The following PLCB4 variants were observed in gnomAD, a reference collection of about 807,000 sequenced individuals.
PLCB4 encodes the protein phospholipase C beta 4, also known as 1-phosphatidylinositol 4,5-bisphosphate phosphodiesterase beta-4.
A neutral mutation model predicts 178.8 loss-of-function variants in PLCB4; 77 were observed. The observed-to-expected ratio is 0.43, with a 90% CI of 0.36 to 0.52. The LOEUF is 0.52. Ranked by LOEUF, PLCB4 falls within the 20% of genes least tolerant of loss-of-function variation. The pLI is 0.00. For synonymous variants in PLCB4, 496 were observed against 490.8 expected (o/e 1.01, Z -0.14); for missense variants, 1,024 against 1,453.4 (o/e 0.70, Z 4.80).
chr20:9,340,280 C>A (rs34695180), intron 7 of PLCB4, among the ~76,000 whole-genome samples: 10,126 of 152,154 alleles, frequency 0.067, 358 homozygotes, highest in Middle Eastern at 0.095. Context: ...CTAAACCATC[C>A]AAGCTCCATT....
chr20:9,312,396 A>ACG (rs1555786353), intron 4 of PLCB4, among the ~76,000 whole-genome samples: 3 of 146,516 alleles, frequency 2.0e-5, no homozygotes, highest in Admixed American at 1.4e-4. Context: ...ACACACACAC[A>ACG]CGCACGCACT....
intron 4 of PLCB4, among the ~76,000 whole-genome samples, chr20:9,329,925 C>T (rs146446132): frequency 1.6e-4 from 24 of 152,194 alleles, no homozygotes; most frequent in Non-Finnish European, 2.6e-4. Flanking sequence ...TTAATAAGGA[C>T]CCATGCCCAT....
chr20:9,218,644 G>A (rs2093760838), intron 3 of PLCB4, among the ~76,000 whole-genome samples: 1 of 152,198 alleles, frequency 6.6e-6, no homozygotes, highest in African/African-American at 2.4e-5. Flanking sequence ...GGCAGTGCCC[G>A]TGGCTGATTT....
chr20:9,278,171 G>A (rs1464611430), intron 3 of PLCB4, among the ~76,000 whole-genome samples: 1 of 151,954 alleles, frequency 6.6e-6, no homozygotes, highest in African/African-American at 2.4e-5. Flanking sequence ...ATCAATACTT[G>A]GTGGATAGGG....
chr20:9,365,555 A>G lies in PLCB4; in HGVS notation c.503+41A>G, dbSNP rs17481185. ...TATCTGCTGTCCGTGTCCCGGGTCAACGCTTGTCATCCCAAACCAAAGAGA... is the reference window on the plus strand; with the variant it reads ...TATCTGCTGTCCGTGTCCCGGGTCAGCGCTTGTCATCCCAAACCAAAGAGA... On this transcript the variant is annotated intron_variant, in intron 9 of 39. Coordinates refer to ENST00000378473, the MANE Select transcript of PLCB4 (RefSeq NM_001377142.1). The G allele has an allele frequency of 0.065, 80,874 of 1,242,038 alleles. 3,065 individuals are homozygous for G. Among genetic ancestry groups the G allele is most frequent in the Non-Finnish European group, 0.077 (65,341 of 845,780 alleles). The allele number at this position is 1,242,038 out of a possible 1,614,324, so 76.9% of individuals were successfully genotyped here.
At chr20:9,310,188 C>A (rs1353895677) in intron 4 of PLCB4, among the ~76,000 whole-genome samples, 1 of 152,018 alleles carries the variant, frequency 6.6e-6, no homozygotes, top group Non-Finnish European at 1.5e-5. Flanking sequence ...AACATGTAAG[C>A]AGAAAAGGTT....
intron 3 of PLCB4, among the ~76,000 whole-genome samples, chr20:9,241,354 G>A (rs1409975998): frequency 1.3e-5 from 2 of 151,166 alleles, no homozygotes; most frequent in South Asian, 2.1e-4. Context: ...TTATTCCTCT[G>A]ATGGCAAAAT....
intron 25 of PLCB4, among the ~76,000 whole-genome samples, chr20:9,411,576 T>C (rs1029193067): frequency 2.6e-5 from 4 of 152,234 alleles, no homozygotes; most frequent in Non-Finnish European, 5.9e-5. Context: ...GTAGCAGTTA[T>C]CAAAGAATAA....
At chr20:9,231,540 ATG>A (rs2093932513) in intron 3 of PLCB4, among the ~76,000 whole-genome samples, 1 of 152,138 alleles carries the variant, frequency 6.6e-6, no homozygotes, top group African/African-American at 2.4e-5. Flanking sequence ...TATATAAAAC[ATG>A]ATGTATATAG....
chr20:9,364,566 C>T (rs1354716441), intron 8 of PLCB4, among the ~76,000 whole-genome samples: 1 of 152,232 alleles, frequency 6.6e-6, no homozygotes, highest in South Asian at 2.1e-4. Context: ...GCACAAATCA[C>T]ATGAGTTCAA....
intron 3 of PLCB4, among the ~76,000 whole-genome samples, chr20:9,266,038 A>G (rs1159322885): frequency 5.3e-5 from 8 of 152,226 alleles, no homozygotes; most frequent in Admixed American, 5.2e-4. Flanking sequence ...CCTGTGGTGA[A>G]GAGAAATCAT....
chr20:9,165,767 C>A (rs1022459011), intron 2 of PLCB4, among the ~76,000 whole-genome samples: 1 of 149,096 alleles, frequency 6.7e-6, no homozygotes, highest in Non-Finnish European at 1.5e-5. Flanking sequence ...ACGCTGTCAC[C>A]GATGGATGGG....
At chr20:9,371,607 T>C (rs6039450) in intron 10 of PLCB4, among the ~76,000 whole-genome samples, 29,449 of 152,070 alleles carry the variant, frequency 0.19, 5,220 homozygotes, top group African/African-American at 0.48. Context: ...AAGGCCAGCT[T>C]GCTGTGTTAC....
intron 12 of PLCB4, among the ~76,000 whole-genome samples, chr20:9,377,718 G>C (rs904179216): frequency 6.6e-6 from 1 of 152,200 alleles, no homozygotes; most frequent in Non-Finnish European, 1.5e-5. Flanking sequence ...CCATAGGCAG[G>C]ATGGTCTAAT....
chr20:9,406,432 G>A lies in PLCB4; in HGVS notation c.1647+1084G>A, dbSNP rs73248721. ...TTTCAGGCTTTTATTGGTGAAATCA[G>A]TTTGATAATTTAGAATGCTCAGATT... On this transcript the variant is annotated intron_variant, in intron 21 of 39. Coordinates refer to ENST00000378473, the MANE Select transcript of PLCB4 (RefSeq NM_001377142.1). Among the ~76,000 whole-genome samples the A allele has an allele frequency of 6.1e-3, 927 of 151,594 alleles. 16 individuals are homozygous for A. Among genetic ancestry groups the A allele is most frequent in the African/African-American group, 0.02 (828 of 41,382 alleles).
Position 9,368,654 on chromosome 20 carries a change from G to A in PLCB4, c.504-2560G>A, listed in dbSNP as rs79557466. On this transcript the variant is annotated intron_variant, in intron 9 of 39. Transcript: ENST00000378473. ...GGCAGTTGCCCCATCCTTCACTCAAGAGTTCTCTGTAACTTTCAGAACACG... is the reference window on the plus strand; with the variant it reads ...GGCAGTTGCCCCATCCTTCACTCAAAAGTTCTCTGTAACTTTCAGAACACG... 3.3e-3 allele frequency among the ~76,000 whole-genome samples: 510 copies of A among 152,310 alleles called. 2 individuals carry two copies. The highest frequency in any genetic ancestry group is 0.011 in the African/African-American group (478 of 41,568).
At chr20:9,094,569 T>C (rs986082839) in intron 1 of PLCB4, among the ~76,000 whole-genome samples, 2 of 152,198 alleles carry the variant, frequency 1.3e-5, no homozygotes, top group African/African-American at 4.8e-5. Flanking sequence ...AAAAGTACAG[T>C]GAATATCACA....
intron 32 of PLCB4, among the ~76,000 whole-genome samples, chr20:9,449,982 G>A (rs1047257984): frequency 3.9e-5 from 6 of 152,146 alleles, no homozygotes; most frequent in African/African-American, 1.4e-4. Flanking sequence ...TCTGTGGTGC[G>A]ATCATTCACG....
intron 25 of PLCB4, among the ~76,000 whole-genome samples, chr20:9,416,268 C>T (rs886480836): frequency 6.6e-6 from 1 of 152,044 alleles, no homozygotes; most frequent in Non-Finnish European, 1.5e-5. Flanking sequence ...CATTGTGATC[C>T]CGTTTCTTAT....
Sources: gnomAD v4.1 joint callset for allele counts (sites outside exome capture counted in the v4.1 genomes callset) on GRCh38, gnomAD v4.1.1 for gene constraint, MANE v1.5 for transcripts, NCBI Gene and HGNC (gene_info 2026-07-23, HGNC 2026-07-21) for gene names.